The following SAMD5 variants were observed in gnomAD, a reference collection of about 807,000 sequenced individuals.
SAMD5 encodes sterile alpha motif domain containing 5.
A neutral mutation model predicts 11.3 loss-of-function variants in SAMD5; 13 were observed. The ratio of observed to expected loss-of-function variants is 1.15; its 90% CI spans 0.75 to 1.83. SAMD5 has a LOEUF of 1.83. Among genes scored for constraint, SAMD5 ranks in the 40% most tolerant of loss-of-function variants. SAMD5 has a pLI of 0.00. For synonymous variants in SAMD5, 129 were observed against 111.3 expected (o/e 1.16, Z -1.00); for missense variants, 255 against 239.1 (o/e 1.07, Z -0.44).
chr6:147,928,109 A>G, the SAMD5 span, among the ~76,000 whole-genome samples: 1 of 152,126 alleles, frequency 6.6e-6, no homozygotes, highest in Non-Finnish European at 1.5e-5. Flanking sequence ...TTCATCAAGG[A>G]TATTGGCCTG....
At chr6:147,840,366 T>C in the SAMD5 span, among the ~76,000 whole-genome samples, 1 of 152,236 alleles carries the variant, frequency 6.6e-6, no homozygotes, top group East Asian at 1.9e-4. Flanking sequence ...ATAACATCTG[T>C]TGCAAGAGCA....
intron 1 of SAMD5, among the ~76,000 whole-genome samples, chr6:147,669,219 T>C (rs921550126): frequency 5.9e-5 from 9 of 152,306 alleles, no homozygotes; most frequent in Non-Finnish European, 5.9e-5. Flanking sequence ...CCTCGTAAAC[T>C]GTGCCACTAT....
intron 1 of SAMD5, among the ~76,000 whole-genome samples, chr6:147,629,213 G>A (rs558524856): frequency 6.6e-6 from 1 of 152,136 alleles, no homozygotes; most frequent in Non-Finnish European, 1.5e-5. Flanking sequence ...AGGAGGTTGG[G>A]GCAGGAGAAT....
intron 1 of SAMD5, among the ~76,000 whole-genome samples, chr6:147,516,594 A>G (rs559624272): frequency 6.6e-6 from 1 of 152,332 alleles, no homozygotes; most frequent in South Asian, 2.1e-4. Flanking sequence ...ATAGAAATTT[A>G]TTCTTTACAG....
intron 1 of SAMD5, among the ~76,000 whole-genome samples, chr6:147,662,138 G>A (rs1046879275): frequency 2.6e-5 from 4 of 151,694 alleles, no homozygotes; most frequent in Non-Finnish European, 4.4e-5. Flanking sequence ...GGCTTCCCAT[G>A]CTTACTGGTG....
chr6:147,692,545 G>A (rs1018945982), intron 1 of SAMD5: 40 of 152,270 alleles, frequency 2.6e-4, no homozygotes, highest in African/African-American at 9.1e-4. Flanking sequence ...AAATGTCCCT[G>A]GTTATTAGTT....
At chr6:147,917,116 C>T in the SAMD5 span, among the ~76,000 whole-genome samples, 1 of 81,294 alleles carries the variant, frequency 1.2e-5, no homozygotes, top group Non-Finnish European at 2.2e-5. Flanking sequence ...GTTCTAGATC[C>T]TTGAGGAATC....
At chr6:147,525,060 A>T (rs1485466058) in intron 1 of SAMD5, among the ~76,000 whole-genome samples, 1 of 151,916 alleles carries the variant, frequency 6.6e-6, no homozygotes, top group African/African-American at 2.4e-5. Context: ...TCCAAGAAAC[A>T]TTGCTTTATA....
the SAMD5 span, among the ~76,000 whole-genome samples, chr6:147,950,644 G>A: frequency 6.6e-6 from 1 of 152,130 alleles, no homozygotes; most frequent in Non-Finnish European, 1.5e-5. Flanking sequence ...GGAAACCTGG[G>A]CCATCTCCCC....
At chr6:147,590,534 T>C (rs1415668844) in intron 1 of SAMD5, among the ~76,000 whole-genome samples, 1 of 152,168 alleles carries the variant, frequency 6.6e-6, no homozygotes, top group Non-Finnish European at 1.5e-5. Context: ...CACCTCGGCC[T>C]CCTGAGTAGC....
At chr6:147,554,559 C>T (rs1174993182) in intron 1 of SAMD5, among the ~76,000 whole-genome samples, 1 of 152,110 alleles carries the variant, frequency 6.6e-6, no homozygotes, top group Admixed American at 6.6e-5. Flanking sequence ...ATTGGCAAGG[C>T]TGGCAAGCAC....
At chr6:147,676,636 C>T (rs1790866842) in intron 1 of SAMD5, among the ~76,000 whole-genome samples, 1 of 152,130 alleles carries the variant, frequency 6.6e-6, no homozygotes, top group African/African-American at 2.4e-5. Flanking sequence ...ACATGCCTGG[C>T]ACATTGTAGG....
At chr6:147,813,580 A>T in the SAMD5 span, among the ~76,000 whole-genome samples, 1 of 152,360 alleles carries the variant, frequency 6.6e-6, no homozygotes, top group East Asian at 1.9e-4. Flanking sequence ...TCAGATGTTT[A>T]CTCAGTTATA....
chr6:147,914,363 C>A, the SAMD5 span, among the ~76,000 whole-genome samples: 1 of 152,054 alleles, frequency 6.6e-6, no homozygotes, highest in Non-Finnish European at 1.5e-5. Flanking sequence ...ACAAGATAAC[C>A]ACAAGGCATT....
At chr6:147,827,193 A>G in the SAMD5 span, among the ~76,000 whole-genome samples, 2 of 152,208 alleles carry the variant, frequency 1.3e-5, no homozygotes, top group Non-Finnish European at 2.9e-5. Context: ...GAGTAGAAGC[A>G]TAAGTTAGAA....
rs141789577 is a variant in SAMD5, at chr6:147,660,099, G to T, written c.163-77218G>T. Among the ~76,000 whole-genome samples, 70 of 152,240 alleles carry T rather than the reference G, an allele frequency of 4.6e-4. No individual in the cohort carries two copies. In the East Asian group the frequency reaches 0.013, roughly 29 times the overall value. ...CTTTGAGGTTGCTGCACAGCTGATG[G>T]GTCTTCTTGAGAGTCTTGAATTAGA... On this transcript the variant is annotated intron_variant, in intron 1 of 1. Coordinates refer to the SAMD5 transcript ENST00000566741.
chr6:147,862,272 T>C, the SAMD5 span, among the ~76,000 whole-genome samples: 1 of 152,162 alleles, frequency 6.6e-6, no homozygotes, highest in Admixed American at 6.5e-5. Context: ...TTCTAATGCC[T>C]GTCATCTGTG....
intron 1 of SAMD5, among the ~76,000 whole-genome samples, chr6:147,563,878 T>A (rs1242072197): frequency 2.0e-5 from 3 of 152,230 alleles, no homozygotes; most frequent in Non-Finnish European, 2.9e-5. Flanking sequence ...CAGATGATAA[T>A]GATTAAATAT....
At chr6:147,868,622 A>G in the SAMD5 span, among the ~76,000 whole-genome samples, 1 of 152,248 alleles carries the variant, frequency 6.6e-6, no homozygotes, top group African/African-American at 2.4e-5. Flanking sequence ...TACTGGAAAT[A>G]TGAAACCAAA....
Sources: gnomAD v4.1 joint callset for allele counts (sites outside exome capture counted in the v4.1 genomes callset) on GRCh38, gnomAD v4.1.1 for gene constraint, MANE v1.5 for transcripts, NCBI Gene and HGNC (gene_info 2026-07-23, HGNC 2026-07-21) for gene names.